Variants in ITGB5 observed in about 807,000 individuals in gnomAD.
ITGB5 encodes the protein integrin subunit beta 5.
ITGB5 carries 38 observed loss-of-function variants against 84.8 expected under a neutral mutation model. The ratio of observed to expected loss-of-function variants is 0.45; its 90% CI spans 0.35 to 0.59. ITGB5 has a LOEUF of 0.59. Ranked by LOEUF, ITGB5 falls within the 20% of genes least tolerant of loss-of-function variation. ITGB5 has a pLI of 0.01. For missense variants in ITGB5, 905 were observed against 1,034.5 expected (o/e 0.87, Z 1.72); for synonymous variants, 393 against 414.4 (o/e 0.95, Z 0.63).
At chr3:124,860,980 T>A (rs958436816) in intron 2 of ITGB5, among the ~76,000 whole-genome samples, 2 of 152,068 alleles carry the variant, frequency 1.3e-5, no homozygotes, top group Non-Finnish European at 2.9e-5. Flanking sequence ...GGCAGGAGGA[T>A]CATTTGGGCT....
intron 2 of ITGB5, among the ~76,000 whole-genome samples, chr3:124,868,523 G>A (rs922401270): frequency 4.1e-5 from 6 of 147,372 alleles, no homozygotes; most frequent in Admixed American, 1.4e-4. Flanking sequence ...CTCACTGTCT[G>A]TAATCCCAGC....
intron 10 of ITGB5, among the ~76,000 whole-genome samples, chr3:124,785,408 T>C (rs772502183): frequency 7.9e-5 from 12 of 151,662 alleles, no homozygotes; most frequent in Non-Finnish European, 1.5e-4. Context: ...ATAGTGAAAC[T>C]CTGTCTCTAC....
chr3:124,825,484 A>C lies in ITGB5; in HGVS notation c.781-4010T>G, dbSNP rs558343726. 3.3e-5 allele frequency among the ~76,000 whole-genome samples: 5 copies of C among 152,368 alleles called. No individual in the cohort carries two copies. In the South Asian group the frequency reaches 1.0e-3, roughly 32 times the overall value. On this transcript the variant is annotated intron_variant, in intron 5 of 14. Coordinates refer to ENST00000296181, the MANE Select transcript of ITGB5 (RefSeq NM_002213.5). ...GTAATCAACAGACACATCATAATACATCCATACAATTAAATACTACACTGC... is the reference window on the plus strand; with the variant it reads ...GTAATCAACAGACACATCATAATACCTCCATACAATTAAATACTACACTGC...
In ITGB5 at chr3:124,841,262, T is replaced by G. The variant is rs111758143; in HGVS notation, c.780+121A>C. 1.3e-5 allele frequency: 12 copies of G among 892,632 alleles called. No homozygotes were observed. In the African/African-American group the frequency reaches 1.3e-4, roughly 10 times the overall value. 55.3% of individuals were successfully genotyped at this position (892,632 alleles called of 1,614,324 possible). A position where few individuals can be genotyped will look rare whatever the true frequency, so the allele number is the denominator to read the frequency against. ...GTTCCACTGAGCTCACCCTCTGACTTCAGAGTGGTCAGGAGCCACATGCTG... is the reference window on the plus strand; with the variant it reads ...GTTCCACTGAGCTCACCCTCTGACTGCAGAGTGGTCAGGAGCCACATGCTG... On this transcript the variant is annotated intron_variant, in intron 5 of 14. Transcript: ENST00000296181.
chr3:124,875,561 TGGGAATGTAAATTA>T (rs1223526149), intron 1 of ITGB5, among the ~76,000 whole-genome samples: 4 of 150,408 alleles, frequency 2.7e-5, no homozygotes, highest in African/African-American at 7.3e-5. Context: ...ACACTGTTGG[TGGGAATGTAAATTA>T]GTACAGCTAT....
chr3:124,808,331 C>A (rs1298839577), intron 9 of ITGB5, among the ~76,000 whole-genome samples: 1 of 152,200 alleles, frequency 6.6e-6, no homozygotes, highest in Non-Finnish European at 1.5e-5. Context: ...AGGAATGGAG[C>A]TCATGATCTG....
upstream of ITGB5, among the ~76,000 whole-genome samples, chr3:124,889,099 A>C (rs963460140): frequency 5.9e-5 from 9 of 152,242 alleles, no homozygotes; most frequent in African/African-American, 2.2e-4. Flanking sequence ...TAATTAAGAT[A>C]GCTAAGAAGC....
chr3:124,865,475 T>TTTTTTC (rs1219661709), intron 2 of ITGB5, among the ~76,000 whole-genome samples: 38 of 74,250 alleles, frequency 5.1e-4, no homozygotes, highest in Admixed American at 4.8e-3. Context: ...CCTTTGCGGC[T>TTTTTTC]TTTTTCTTTT....
At chr3:124,892,714 G>C (rs1263246028) in intron 1 of ITGB5, among the ~76,000 whole-genome samples, 2 of 132,282 alleles carry the variant, frequency 1.5e-5, no homozygotes, top group East Asian at 2.2e-4. Context: ...AAAAAAAAAA[G>C]TTAAAATGGT....
intron 1 of ITGB5, among the ~76,000 whole-genome samples, chr3:124,874,702 G>C (rs1559982379): frequency 6.6e-6 from 1 of 152,154 alleles, no homozygotes; most frequent in Non-Finnish European, 1.5e-5. Flanking sequence ...ATAAATCCAG[G>C]CATTTACAGT....
At chr3:124,803,314 C>T (rs776309702) in intron 9 of ITGB5, among the ~76,000 whole-genome samples, 2 of 152,108 alleles carry the variant, frequency 1.3e-5, no homozygotes, top group Non-Finnish European at 2.9e-5. Flanking sequence ...GAAGCAGCCC[C>T]CAACTTGGCT....
At chr3:124,861,491 T>TACACACAC (rs1168034132) in intron 2 of ITGB5, among the ~76,000 whole-genome samples, 4 of 76,350 alleles carry the variant, frequency 5.2e-5, no homozygotes, top group East Asian at 1.1e-3. Flanking sequence ...CATATATATA[T>TACACACAC]ATATACACAC....
intron 10 of ITGB5, among the ~76,000 whole-genome samples, chr3:124,786,226 T>C (rs1042342350): frequency 1.2e-4 from 19 of 152,070 alleles, no homozygotes; most frequent in African/African-American, 4.6e-4. Context: ...GATCTCAATA[T>C]AGTGAAAAGG....
intron 10 of ITGB5, among the ~76,000 whole-genome samples, chr3:124,778,871 T>C (rs147045219): frequency 1.2e-4 from 18 of 151,224 alleles, no homozygotes; most frequent in African/African-American, 4.1e-4. Flanking sequence ...GCTGAAGCCT[T>C]AAGTTCCAAC....
intron 1 of ITGB5, among the ~76,000 whole-genome samples, chr3:124,876,283 C>A (rs987526398): frequency 6.6e-6 from 1 of 151,502 alleles, no homozygotes; most frequent in East Asian, 1.9e-4. Context: ...AATTATTTGT[C>A]AACTACCTCC....
At chr3:124,893,173 C>G (rs1251973994) in intron 1 of ITGB5, among the ~76,000 whole-genome samples, 1 of 152,024 alleles carries the variant, frequency 6.6e-6, no homozygotes, top group Non-Finnish European at 1.5e-5. Context: ...TTTGGAAGGC[C>G]AAGGCAGGAA....
At chr3:124,849,985 G>A (rs1394526441) in intron 3 of ITGB5, among the ~76,000 whole-genome samples, 1 of 152,026 alleles carries the variant, frequency 6.6e-6, no homozygotes, top group Non-Finnish European at 1.5e-5. Context: ...AATTTGGATA[G>A]ATTCTTTGTG....
At chr3:124,774,728 A>C (rs1469060730) in intron 10 of ITGB5, among the ~76,000 whole-genome samples, 2 of 152,178 alleles carry the variant, frequency 1.3e-5, no homozygotes, top group African/African-American at 2.4e-5. Flanking sequence ...TAGAAGCTGA[A>C]TTCCTGCCCA....
At chr3:124,884,354 G>A (rs1156693244) in intron 1 of ITGB5, among the ~76,000 whole-genome samples, 6 of 152,156 alleles carry the variant, frequency 3.9e-5, no homozygotes, top group Non-Finnish European at 1.5e-5. Context: ...AAGTTCTGGA[G>A]GCCAGTGCCA....
Sources: gnomAD v4.1 joint callset for allele counts (sites outside exome capture counted in the v4.1 genomes callset) on GRCh38, gnomAD v4.1.1 for gene constraint, MANE v1.5 for transcripts, NCBI Gene and HGNC (gene_info 2026-07-23, HGNC 2026-07-21) for gene names.